Variants in KCNV2 observed in about 807,000 individuals in gnomAD.
KCNV2 encodes the protein potassium voltage-gated channel modifier subfamily V member 2, also known as potassium voltage-gated channel subfamily V member 2.
KCNV2 carries 65 observed loss-of-function variants against 37.0 expected under a neutral mutation model. The ratio of observed to expected loss-of-function variants is 1.76; its 90% CI spans 1.44 to 2.16. The LOEUF (loss-of-function observed/expected upper bound fraction) is 2.16, where lower values mean the gene tolerates loss of function less well. Among genes scored for constraint, KCNV2 ranks in the 30% most tolerant of loss-of-function variants. The pLI is 0.00. For synonymous variants in KCNV2, 518 were observed against 328.6 expected, an observed-to-expected ratio of 1.58 and a Z score of -6.23; for missense variants, 1,232 against 766.7, an observed-to-expected ratio of 1.61 and a Z score of -7.17.
chr9:2,726,515 G>A (rs1819970218), intron 1 of KCNV2, among the ~76,000 whole-genome samples: 3 of 152,076 alleles, frequency 2.0e-5, no homozygotes, highest in Non-Finnish European at 4.4e-5. Context: ...TTGGCTTAAG[G>A]GTGAAGCAAA....
chr9:2,718,053 G>A lies in KCNV2; in HGVS notation c.314G>A (p.Gly105Asp), dbSNP rs762210764. 6.2e-7 allele frequency: 1 copy of A among 1,608,160 alleles called. No homozygotes were observed. Among genetic ancestry groups the A allele is most frequent in the African/African-American group, 1.3e-5 (1 of 74,864 alleles). Reference sequence around the variant, plus strand: ...TCCACGCTGAATGTGAACGTGGGTGGCCACAGCTACCAGCTGGACTACTGC... The same window carrying A: ...TCCACGCTGAATGTGAACGTGGGTGACCACAGCTACCAGCTGGACTACTGC... ...LLSTLNVNVG[G>D]HSYQLDYCEL... Residue 105 changes from glycine (G) to aspartate (D), a missense_variant, in exon 1 of 2, where the codon GGC (glycine) becomes GAC (aspartate). Gly to Asp is a moderately conservative substitution (Grantham distance 94, BLOSUM62 -1). Coordinates refer to ENST00000382082, the MANE Select transcript of KCNV2 (RefSeq NM_133497.4).
intron 1 of KCNV2, among the ~76,000 whole-genome samples, chr9:2,719,779 T>A (rs1472004475): frequency 6.6e-6 from 1 of 152,270 alleles, no homozygotes; most frequent in East Asian, 1.9e-4. Context: ...CTCAGTCCTG[T>A]CCATCTCCAA....
chr9:2,719,676 T>C (rs537019672), intron 1 of KCNV2, among the ~76,000 whole-genome samples: 23 of 152,308 alleles, frequency 1.5e-4, no homozygotes, highest in African/African-American at 5.3e-4. Context: ...TTCAGGACCC[T>C]GTATTATTGC....
Position 2,717,903 on chromosome 9 carries a change from T to C in KCNV2, c.164T>C (p.Ile55Thr), listed in dbSNP as rs541608166. 1.7e-5 allele frequency: 28 copies of C among 1,613,930 alleles called. No individual in the cohort carries two copies. In the African/African-American group the frequency reaches 2.5e-4, roughly 15 times the overall value. ...ACAGAGGGCAACTATAACTACTACA[T>C]CGAGGAAGACGAAGACGGCGAGGAG... Reference protein sequence around the residue: ...GWTEGNYNYYIEEDEDGEEED... With the variant: ...GWTEGNYNYYTEEDEDGEEED... Residue 55 changes from isoleucine to threonine, a missense_variant, in exon 1 of 2, where the codon ATC (isoleucine) becomes ACC (threonine). Coordinates refer to ENST00000382082, the MANE Select transcript of KCNV2 (RefSeq NM_133497.4).
rs1334862251 is a variant in KCNV2, at chr9:2,718,043, A to C, written c.304A>C (p.Asn102His). The change falls in exon 1 of 2, where the codon AAC (asparagine) becomes CAC (histidine). Residue 102 changes from asparagine to histidine, a missense_variant. By Grantham distance (68) the Asn-to-His change is moderately conservative. Coordinates refer to ENST00000382082, the MANE Select transcript of KCNV2 (RefSeq NM_133497.4). ...GGCCCTGCTGTCCACGCTGAATGTG[A>C]ACGTGGGTGGCCACAGCTACCAGCT... Reference protein sequence around the residue: ...PPALLSTLNVNVGGHSYQLDY... With the variant: ...PPALLSTLNVHVGGHSYQLDY... 6.2e-7 allele frequency: 1 copy of C among 1,610,612 alleles called. No homozygotes were observed. The highest frequency in any genetic ancestry group is 1.7e-5 in the Admixed American group (1 of 59,460).
intron 1 of KCNV2, among the ~76,000 whole-genome samples, chr9:2,721,729 A>G (rs1819873041): frequency 6.6e-6 from 1 of 152,140 alleles, no homozygotes; most frequent in South Asian, 2.1e-4. Context: ...ATAATAAATA[A>G]TTTCAGGTAT....
chr9:2,718,219 G>A lies in KCNV2; in HGVS notation c.480G>A (p.Leu160=), dbSNP rs773099220. Residue 160 remains leucine (L), a synonymous_variant, in exon 1 of 2, where the codon CTG becomes CTA. Coordinates refer to ENST00000382082, the MANE Select transcript of KCNV2 (RefSeq NM_133497.4). ...ACCGCGACCCGGCCGTCTTCCAGCT[G>A]GTCTACAATTTCTACCTGTCCGGGG... ...FFDRDPAVFQ[L]VYNFYLSGVL... is the part of the protein sequence containing the mutation. The A allele has an allele frequency of 1.5e-5, 24 of 1,613,394 alleles. No homozygotes were observed. The Admixed American group carries it at 3.8e-4, about 26-fold the overall frequency.
At position 2,718,493 on chromosome 9, in the gene KCNV2, A is replaced by G; in HGVS notation, c.754A>G (p.Lys252Glu). 2 of 1,610,950 alleles carry G rather than the reference A, an allele frequency of 1.2e-6. No homozygotes were observed. The highest frequency in any genetic ancestry group is 1.7e-6 in the Non-Finnish European group (2 of 1,179,196). Residue 252 changes from lysine to glutamate, a missense_variant, in exon 1 of 2, where the codon AAG (lysine) becomes GAG (glutamate). Physicochemically the swap from Lys to Glu is moderately conservative, Grantham distance 56. Transcript: ENST00000382082. Reference sequence around the variant, plus strand: ...GCGCCGCCTCTGGAACCTCATGGAGAAGCCATTCTCCTCGGTGGCCGCCAA... The same window carrying G: ...GCGCCGCCTCTGGAACCTCATGGAGGAGCCATTCTCCTCGGTGGCCGCCAA... The part of the protein sequence containing the change: ...QRRRLWNLME[K>E]PFSSVAAKAI...
chr9:2,721,449 A>G (rs950842396), intron 1 of KCNV2, among the ~76,000 whole-genome samples: 5 of 152,216 alleles, frequency 3.3e-5, no homozygotes, highest in South Asian at 2.1e-4. Context: ...CATATTCTCA[A>G]TAGAGCAAAG....
intron 1 of KCNV2, among the ~76,000 whole-genome samples, chr9:2,723,910 A>T (rs1281114546): frequency 6.6e-6 from 1 of 151,106 alleles, no homozygotes; most frequent in Non-Finnish European, 1.5e-5. Context: ...AATGGGCTCT[A>T]TGATGAAGCT....
intron 1 of KCNV2, among the ~76,000 whole-genome samples, chr9:2,726,139 G>A (rs915506100): frequency 6.6e-6 from 1 of 152,092 alleles, no homozygotes; most frequent in South Asian, 2.1e-4. Context: ...GTCAGTCTGG[G>A]GCCTTCAGCT....
Position 2,729,835 on chromosome 9 carries a change from C to T in KCNV2, c.*108C>T, listed in dbSNP as rs928466669. 8.3e-7 allele frequency: 1 copy of T among 1,203,522 alleles called. No homozygotes were observed. The highest frequency in any genetic ancestry group is 1.7e-5 in the Admixed American group (1 of 58,188). The allele number at this position is 1,203,522 out of a possible 1,614,324, so 74.6% of individuals were successfully genotyped here. ...AAAGGAAATGTGAAGCAGACATACA[C>T]AAAGGCCATTTCGTTCACAAAGTAC... is the stretch of plus-strand genomic sequence containing the variant. On this transcript the variant is annotated 3_prime_UTR_variant, in exon 2 of 2. Transcript: ENST00000382082.
intron 1 of KCNV2, among the ~76,000 whole-genome samples, chr9:2,721,846 A>G (rs753580675): frequency 8.5e-5 from 13 of 152,100 alleles, no homozygotes; most frequent in Non-Finnish European, 1.9e-4. Context: ...ACATTGAGAT[A>G]AAGTTTGAAA....
chr9:2,718,932 G>A lies in KCNV2; in HGVS notation c.1193G>A (p.Arg398His). 9 of 1,609,404 alleles carry A rather than the reference G, an allele frequency of 5.6e-6. No individual in the cohort carries two copies. The highest frequency in any genetic ancestry group is 2.2e-5 in the South Asian group (2 of 91,086). ...LKLARHSTGL[R>H]AFGFTLRQCY... ...CTGGCGCGCCACTCCACCGGACTGC[G>A]TGCCTTCGGCTTCACGCTGCGCCAG... is the stretch of plus-strand genomic sequence containing the variant. The change falls in exon 1 of 2, where the codon CGT (arginine) becomes CAT (histidine). Residue 398 changes from arginine to histidine, a missense_variant. Physicochemically the swap from Arg to His is conservative, Grantham distance 29. Transcript: ENST00000382082.
At chr9:2,727,015 G>C (rs531724772) in intron 1 of KCNV2, among the ~76,000 whole-genome samples, 10 of 152,210 alleles carry the variant, frequency 6.6e-5, no homozygotes, top group African/African-American at 2.2e-4. Context: ...GGTCCCTGGT[G>C]CCAAAGAGGT....
At chr9:2,727,021 G>A (rs1819979043) in intron 1 of KCNV2, among the ~76,000 whole-genome samples, 1 of 152,084 alleles carries the variant, frequency 6.6e-6, no homozygotes, top group Non-Finnish European at 1.5e-5. Flanking sequence ...TGGTGCCAAA[G>A]AGGTTGGGGA....
chr9:2,728,581 T>C lies in KCNV2; in HGVS notation c.1357-865T>C, dbSNP rs559270863. Among the ~76,000 whole-genome samples the C allele has an allele frequency of 6.6e-5, 10 of 152,330 alleles. No homozygotes were observed. In the South Asian group the frequency reaches 1.0e-3, roughly 16 times the overall value. ...GTATGACAAGAGTAATGGGAAGTAT[T>C]TCATGCAGGGGTGAACATATTTTTG... On this transcript the variant is annotated intron_variant, in intron 1 of 1. Coordinates refer to ENST00000382082, the MANE Select transcript of KCNV2 (RefSeq NM_133497.4).
In KCNV2 at chr9:2,718,033, G is replaced by T; in HGVS notation, c.294G>T (p.Thr98=). 1 of 1,611,950 alleles carries T rather than the reference G, an allele frequency of 6.2e-7. No individual in the cohort carries two copies. Among genetic ancestry groups the T allele is most frequent in the South Asian group, 1.1e-5 (1 of 90,824 alleles). The change falls in exon 1 of 2, where the codon ACG becomes ACT. Residue 98 remains threonine (T), a synonymous_variant. Transcript: ENST00000382082. ...GCGACCCTCCGGCCCTGCTGTCCAC[G>T]CTGAATGTGAACGTGGGTGGCCACA... ...GPSDPPALLS[T]LNVNVGGHSY... is the part of the protein sequence containing the mutation.
At chr9:2,723,882 G>A (rs1342176855) in intron 1 of KCNV2, among the ~76,000 whole-genome samples, 1 of 152,020 alleles carries the variant, frequency 6.6e-6, no homozygotes. Context: ...GAAATGCACG[G>A]CACAGCTAAA....
Sources: allele counts gnomAD v4.1 joint callset (sites outside exome capture counted in the v4.1 genomes callset), GRCh38; gene constraint gnomAD v4.1.1; transcripts MANE v1.5; gene names NCBI Gene and HGNC (gene_info 2026-07-23, HGNC 2026-07-21).